ANK2: variants seen among roughly 807,000 people sequenced by gnomAD.
ANK2 encodes the protein ankyrin 2, also known as ankyrin-2.
In ANK2, 83 loss-of-function variants were observed where a neutral mutation model predicts 360.5. That is an observed-to-expected ratio of 0.23 (90% CI 0.19 to 0.28). ANK2 has a LOEUF of 0.28. Ranked by LOEUF, ANK2 falls within the 10% of genes least tolerant of loss-of-function variation. The probability of loss-of-function intolerance (pLI) is 1.00; values close to 1 mark genes in which losing one functional copy is unlikely to be tolerated. For synonymous variants in ANK2, 1,740 were observed against 1,759.5 expected, an observed-to-expected ratio of 0.99 and a Z score of 0.28; for missense variants, 4,201 against 4,795.7, an observed-to-expected ratio of 0.88 and a Z score of 3.66.
At chr4:113,296,518 A>T (rs1332631785) in intron 22 of ANK2, among the ~76,000 whole-genome samples, 2 of 152,132 alleles carry the variant, frequency 1.3e-5, no homozygotes, top group Admixed American at 6.5e-5. Flanking sequence ...CTTTCTTTTG[A>T]GTTCTTTACC....
intron 1 of ANK2, among the ~76,000 whole-genome samples, chr4:113,141,032 T>G (rs2096618169): frequency 6.6e-6 from 1 of 152,046 alleles, no homozygotes; most frequent in South Asian, 2.1e-4. Flanking sequence ...AAAACTAGCT[T>G]ACACAGTTGA....
chr4:112,713,939 A>G, the ANK2 span, among the ~76,000 whole-genome samples: 1 of 151,126 alleles, frequency 6.6e-6, no homozygotes, highest in Non-Finnish European at 1.5e-5. Context: ...GTCTCAAAAA[A>G]AAAAACAAAA....
chr4:113,282,271 A>T (rs1563398925), intron 17 of ANK2, among the ~76,000 whole-genome samples: 1 of 152,212 alleles, frequency 6.6e-6, no homozygotes, highest in Non-Finnish European at 1.5e-5. Flanking sequence ...TGGCACTTCC[A>T]TCAGGAATGG....
chr4:113,046,474 C>G (rs149874168), upstream of ANK2, among the ~76,000 whole-genome samples: 2 of 151,976 alleles, frequency 1.3e-5, no homozygotes, highest in African/African-American at 4.8e-5. Context: ...GATTAAGTCA[C>G]GAGGGTAGAG....
intron 1 of ANK2, among the ~76,000 whole-genome samples, chr4:113,100,136 A>G (rs934721583): frequency 6.6e-6 from 1 of 152,106 alleles, no homozygotes; most frequent in Non-Finnish European, 1.5e-5. Context: ...GCTTCTTTAA[A>G]ATTTAAAACT....
At chr4:112,996,848 A>ATT (rs1407647894) in intron 2 of ANK2, among the ~76,000 whole-genome samples, 1 of 152,030 alleles carries the variant, frequency 6.6e-6, no homozygotes, top group Admixed American at 6.6e-5. Context: ...TTTATTCATT[A>ATT]TTTCTAATTT....
At position 112,840,978 on chromosome 4, in the gene ANK2, G is replaced by A. The variant is rs563855638; in HGVS notation, c.-40+22714G>A. Among the ~76,000 whole-genome samples the A allele has an allele frequency of 1.4e-4, 21 of 152,284 alleles. No individual in the cohort carries two copies. The South Asian group carries it at 3.3e-3, about 24-fold the overall frequency. ...TATACTTGAGTATCCATATCTTTCAGCTTTTCACCAAAATAATACTTTCCC... is the reference window on the plus strand; with the variant it reads ...TATACTTGAGTATCCATATCTTTCAACTTTTCACCAAAATAATACTTTCCC... On this transcript the variant is annotated intron_variant, in intron 1 of 30. Transcript: ENST00000503271.
At chr4:112,929,448 A>G (rs889793840) in intron 2 of ANK2, among the ~76,000 whole-genome samples, 24 of 152,322 alleles carry the variant, frequency 1.6e-4, no homozygotes, top group Admixed American at 5.2e-4. Context: ...AAATGAAAAG[A>G]TCTTTATGGC....
rs564530868 is a variant in ANK2 at position 112,964,175 on chromosome 4, A to T, written c.21+59661A>T. The stretch of plus-strand genomic sequence containing the variant: ...TTGATACAGGCATGCAGTAAGCAAT[A>T]ATCACATCATGAAAAGTGAGGCATC... On this transcript the variant is annotated intron_variant, in intron 2 of 30. Transcript: ENST00000503271. Among the ~76,000 whole-genome samples the T allele has an allele frequency of 1.3e-3, 188 of 149,830 alleles. 5 individuals are homozygous for T. The South Asian group carries it at 0.04, about 32-fold the overall frequency.
intron 1 of ANK2, among the ~76,000 whole-genome samples, chr4:112,838,616 C>A (rs990556668): frequency 6.6e-6 from 1 of 152,208 alleles, no homozygotes; most frequent in Non-Finnish European, 1.5e-5. Flanking sequence ...GCCTGTAATC[C>A]CAGCACTTTG....
chr4:112,912,761 C>T (rs2088122844), intron 2 of ANK2, among the ~76,000 whole-genome samples: 1 of 151,966 alleles, frequency 6.6e-6, no homozygotes, highest in African/African-American at 2.4e-5. Flanking sequence ...AGGTTCTAGT[C>T]CCAGTTACTT....
At chr4:112,935,120 A>AGT (rs10601105) in intron 2 of ANK2, among the ~76,000 whole-genome samples, 5,027 of 148,796 alleles carry the variant, frequency 0.034, 94 homozygotes, top group South Asian at 0.069. Context: ...AGTCAGAGAA[A>AGT]GTGTGTGTGT....
At chr4:112,893,905 G>A (rs949306148) in intron 1 of ANK2, among the ~76,000 whole-genome samples, 1 of 152,296 alleles carries the variant, frequency 6.6e-6, no homozygotes, top group African/African-American at 2.4e-5. Context: ...GCTGAGGCAC[G>A]AGAATTGCTT....
intron 1 of ANK2, among the ~76,000 whole-genome samples, chr4:113,093,592 G>A (rs2089628710): frequency 6.6e-6 from 1 of 152,106 alleles, no homozygotes; most frequent in African/African-American, 2.4e-5. Flanking sequence ...TGCCTACCTT[G>A]GCCTTCCAAA....
At chr4:113,078,928 A>G (rs2081225495) in intron 1 of ANK2, among the ~76,000 whole-genome samples, 1 of 152,238 alleles carries the variant, frequency 6.6e-6, no homozygotes, top group Non-Finnish European at 1.5e-5. Context: ...TCTAAATCCC[A>G]AAGAGAGAAT....
chr4:112,861,131 A>G (rs1047021178), intron 1 of ANK2, among the ~76,000 whole-genome samples: 1 of 152,202 alleles, frequency 6.6e-6, no homozygotes, highest in African/African-American at 2.4e-5. Context: ...GTGCAAACCA[A>G]TTAAGTAAGT....
chr4:112,907,403 T>C (rs1041810930), intron 2 of ANK2, among the ~76,000 whole-genome samples: 6 of 152,298 alleles, frequency 3.9e-5, no homozygotes, highest in African/African-American at 1.4e-4. Context: ...CAAAACCATT[T>C]TGAAAAATAA....
At chr4:113,125,061 A>G (rs891439743) in intron 1 of ANK2, among the ~76,000 whole-genome samples, 1 of 152,126 alleles carries the variant, frequency 6.6e-6, no homozygotes, top group African/African-American at 2.4e-5. Context: ...TTTCACATTA[A>G]CCTATATTTC....
At chr4:113,069,191 G>A (rs1330688864) in intron 1 of ANK2, among the ~76,000 whole-genome samples, 2 of 152,172 alleles carry the variant, frequency 1.3e-5, no homozygotes, top group African/African-American at 4.8e-5. Flanking sequence ...GAGAGCTGCT[G>A]GGCAGGTAAT....
Sources: gnomAD v4.1 joint callset for allele counts (sites outside exome capture counted in the v4.1 genomes callset) on GRCh38, gnomAD v4.1.1 for gene constraint, MANE v1.5 for transcripts, NCBI Gene and HGNC (gene_info 2026-07-23, HGNC 2026-07-21) for gene names.